Variants in COBL observed in about 807,000 individuals in gnomAD.
The protein encoded by COBL is cordon-bleu WH2 repeat protein, also known as protein cordon-bleu.
A neutral mutation model predicts 98.8 loss-of-function variants in COBL; 51 were observed. That is an observed-to-expected ratio of 0.52 (90% CI 0.41 to 0.65). The LOEUF (loss-of-function observed/expected upper bound fraction) is 0.65, where lower values mean the gene tolerates loss of function less well. Ranked by LOEUF, COBL falls within the 30% of genes least tolerant of loss-of-function variation. The pLI is 0.00. For synonymous variants in COBL, 634 were observed against 651.7 expected (o/e 0.97, Z 0.41); for missense variants, 1,617 against 1,617.5 (o/e 1.00, Z 0.01).
chr7:51,125,630 G>C (rs1798124463), intron 6 of COBL, among the ~76,000 whole-genome samples: 1 of 152,170 alleles, frequency 6.6e-6, no homozygotes, highest in South Asian at 2.1e-4. Context: ...CTATAAAACA[G>C]AGATGACAGT....
intron 12 of COBL, chr7:51,021,102 G>A (rs1786887839): frequency 6.6e-6 from 1 of 152,134 alleles, no homozygotes. Context: ...TTCATGCACT[G>A]CCTTGCTGGG....
chr7:51,180,557 T>C (rs534846842), intron 5 of COBL, among the ~76,000 whole-genome samples: 277 of 152,362 alleles, frequency 1.8e-3, no homozygotes, highest in Non-Finnish European at 3.1e-3. Flanking sequence ...CTGCATCTTA[T>C]GCAAATAATC....
intron 1 of COBL, among the ~76,000 whole-genome samples, chr7:51,270,578 A>G (rs1372082871): frequency 6.6e-6 from 1 of 152,244 alleles, no homozygotes; most frequent in Non-Finnish European, 1.5e-5. Context: ...ATGCAAATAC[A>G]AATATTCCTG....
chr7:51,155,374 G>T (rs1017846392), intron 5 of COBL, among the ~76,000 whole-genome samples: 1 of 152,016 alleles, frequency 6.6e-6, no homozygotes, highest in Admixed American at 6.6e-5. Context: ...TGAATCACGA[G>T]GTCAGGGATT....
At chr7:51,213,945 A>G (rs1296802728) in intron 2 of COBL, among the ~76,000 whole-genome samples, 1 of 152,068 alleles carries the variant, frequency 6.6e-6, no homozygotes, top group Non-Finnish European at 1.5e-5. Flanking sequence ...CCTTCTATAA[A>G]GGCATCCGCA....
At chr7:51,291,137 C>T (rs1344456529) in intron 1 of COBL, among the ~76,000 whole-genome samples, 7 of 152,062 alleles carry the variant, frequency 4.6e-5, no homozygotes, top group Non-Finnish European at 7.4e-5. Flanking sequence ...CGCGAGGCAG[C>T]GAAGAAAGAC....
intron 1 of COBL, among the ~76,000 whole-genome samples, chr7:51,250,418 G>T (rs1255377760): frequency 6.6e-6 from 1 of 152,148 alleles, no homozygotes; most frequent in East Asian, 1.9e-4. Flanking sequence ...AAAAATAGTT[G>T]ATGGTTCCAA....
intron 1 of COBL, among the ~76,000 whole-genome samples, chr7:51,249,595 T>C (rs1279764328): frequency 6.6e-6 from 1 of 152,222 alleles, no homozygotes; most frequent in African/African-American, 2.4e-5. Context: ...CCACATTTCT[T>C]CGTAATCACC....
chr7:51,145,240 T>C (rs1399555996), intron 5 of COBL, among the ~76,000 whole-genome samples: 2 of 152,176 alleles, frequency 1.3e-5, no homozygotes, highest in African/African-American at 4.8e-5. Context: ...GGTCTTGAAC[T>C]CTTGACCTCA....
chr7:51,234,694 C>T (rs1480003979), intron 1 of COBL, among the ~76,000 whole-genome samples: 1 of 129,174 alleles, frequency 7.7e-6, no homozygotes, highest in Non-Finnish European at 1.6e-5. Context: ...GATCAAGGCC[C>T]TGTTTCAGAA....
At chr7:51,137,253 T>C (rs2129007861) in intron 5 of COBL, among the ~76,000 whole-genome samples, 1 of 152,334 alleles carries the variant, frequency 6.6e-6, no homozygotes, top group African/African-American at 2.4e-5. Context: ...CTGGGTTTGA[T>C]TCCTTCTTTT....
At chr7:51,241,239 A>G (rs1302725195) in intron 1 of COBL, among the ~76,000 whole-genome samples, 1 of 152,248 alleles carries the variant, frequency 6.6e-6, no homozygotes, top group African/African-American at 2.4e-5. Context: ...TGTCCCTCCA[A>G]TAACAAAAGA....
At chr7:51,112,864 G>A (rs1381617584) in intron 6 of COBL, among the ~76,000 whole-genome samples, 1 of 152,186 alleles carries the variant, frequency 6.6e-6, no homozygotes, top group African/African-American at 2.4e-5. Flanking sequence ...GATGCCAACA[G>A]CTTCAGACAC....
intron 5 of COBL, among the ~76,000 whole-genome samples, chr7:51,149,594 A>G (rs1785363265): frequency 6.6e-6 from 1 of 152,136 alleles, no homozygotes; most frequent in Non-Finnish European, 1.5e-5. Flanking sequence ...TATTTGTCTC[A>G]GAATGTCTTT....
At chr7:51,209,306 C>T (rs1792173351) in intron 2 of COBL, among the ~76,000 whole-genome samples, 1 of 152,138 alleles carries the variant, frequency 6.6e-6, no homozygotes, top group African/African-American at 2.4e-5. Context: ...AATATTTACC[C>T]TCATCCACTC....
intron 7 of COBL, among the ~76,000 whole-genome samples, chr7:51,060,834 G>T (rs757843081): frequency 6.6e-6 from 1 of 152,104 alleles, no homozygotes; most frequent in East Asian, 1.9e-4. Flanking sequence ...AGGCTTTTGA[G>T]TCAACAGGCG....
intron 1 of COBL, among the ~76,000 whole-genome samples, chr7:51,307,444 C>A (rs1385794929): frequency 6.6e-6 from 1 of 152,162 alleles, no homozygotes; most frequent in African/African-American, 2.4e-5. Context: ...CCAGACCTCC[C>A]ACACACAAGG....
chr7:51,110,314 T>G (rs924006096), intron 6 of COBL, among the ~76,000 whole-genome samples: 1 of 152,194 alleles, frequency 6.6e-6, no homozygotes, highest in Non-Finnish European at 1.5e-5. Context: ...TCTACCTTCA[T>G]GAGATCCACT....
intron 5 of COBL, among the ~76,000 whole-genome samples, chr7:51,138,339 C>T (rs1799426362): frequency 6.6e-6 from 1 of 152,232 alleles, no homozygotes; most frequent in African/African-American, 2.4e-5. Flanking sequence ...CTCTGCCTTA[C>T]ATCCACCTCC....
Sources: gnomAD v4.1 joint callset for allele counts (sites outside exome capture counted in the v4.1 genomes callset) on GRCh38, gnomAD v4.1.1 for gene constraint, MANE v1.5 for transcripts, NCBI Gene and HGNC (gene_info 2026-07-23, HGNC 2026-07-21) for gene names.